Variants in ARX observed in about 807,000 individuals in gnomAD.
The protein encoded by ARX is aristaless related homeobox, also known as homeobox protein ARX.
Under a neutral mutation model 23.1 loss-of-function variants are expected in ARX, and 1 was observed. The ratio of observed to expected loss-of-function variants is 0.04; its 90% confidence interval spans 0.02 to 0.21. The LOEUF is 0.21. Among genes scored for constraint, ARX ranks in the 10% least tolerant of loss-of-function variants. The pLI, the probability that ARX is intolerant of heterozygous loss-of-function variation, is 1.00. For synonymous variants in ARX, 301 were observed against 270.1 expected (o/e 1.11, Z -1.12); for missense variants, 380 against 527.5 (o/e 0.72, Z 2.74).
chrX:25,011,294 A>G (rs911270513), intron 2 of ARX, among the ~76,000 whole-genome samples: 3 of 110,900 alleles, frequency 2.7e-5, no homozygotes, highest in Admixed American at 9.5e-5. Flanking sequence ...AGTGGGCATC[A>G]GCAAATCTAA....
intron 4 of ARX, among the ~76,000 whole-genome samples, chrX:25,005,446 G>T (rs962473904): frequency 1.8e-5 from 2 of 112,472 alleles, no homozygotes; most frequent in African/African-American, 6.4e-5. Flanking sequence ...GACTTTCTGC[G>T]CCCTGAAGAA....
At position 25,004,889 on chromosome X, in the gene ARX, G is replaced by T; in HGVS notation, c.1470C>A (p.Pro490=). ...AFGRLFSTMA[P]LTSASTAAAL... ...CGGCCGCGGTCGACGCGCTGGTCAGGGGGGCCATTGTGGAAAAGAGCCTGC... is the reference window on the plus strand; with the variant it reads ...CGGCCGCGGTCGACGCGCTGGTCAGTGGGGCCATTGTGGAAAAGAGCCTGC... The change falls in exon 5 of 5, where the codon CCC becomes CCA. Residue 490 remains proline, a synonymous_variant. Coordinates refer to ENST00000379044, the MANE Select transcript of ARX (RefSeq NM_139058.3). 8.8e-7 allele frequency: 1 copy of T among 1,140,495 alleles called. No homozygotes were observed. Among genetic ancestry groups the T allele is most frequent in the East Asian group, 3.2e-5 (1 of 31,469 alleles). The allele number at this position is 1,140,495 out of a possible 1,213,427, so 94.0% of individuals were successfully genotyped here. A position where few individuals can be genotyped will look rare whatever the true frequency, so the allele number is the denominator to read the frequency against.
At position 25,013,233 on chromosome X, in the gene ARX, G is replaced by T; in HGVS notation, c.762C>A (p.Asp254Glu). 8.6e-7 allele frequency: 1 copy of T among 1,159,490 alleles called. No individual in the cohort carries two copies. The highest frequency in any genetic ancestry group is 1.1e-6 in the Non-Finnish European group (1 of 870,284). ...LEDDEEELLE[D>E]DARALLKEPR... ...GCTCCTTGAGCAGCGCGCGGGCGTC[G>T]TCCTCCAGCAGCTCCTCCTCGTCGT... The change falls in exon 2 of 5, where the codon GAC becomes GAA. Residue 254 changes from aspartate to glutamate, a missense_variant. Coordinates refer to ENST00000379044, the MANE Select transcript of ARX (RefSeq NM_139058.3).
chrX:25,012,873 C>A, intron 2 of ARX, 49 bp downstream of exon 2: 1 of 1,181,168 alleles, frequency 8.5e-7, no homozygotes, highest in Non-Finnish European at 1.1e-6. Context: ...CTCCCTGGGG[C>A]CCGCGTGCGC....
In ARX at chrX:25,007,368, C is replaced by T; in HGVS notation, c.1191G>A (p.Gly397=). 1 of 1,152,384 alleles carries T rather than the reference C, an allele frequency of 8.7e-7. No homozygotes were observed. 95.0% of individuals were successfully genotyped at this position (1,152,384 alleles called of 1,213,427 possible). Residue 397 remains glycine, a synonymous_variant, in exon 4 of 5, where the codon GGG becomes GGA. Transcript: ENST00000379044. ...CGGAGAGCGGCCCCGGGAAGGGCAG[C>T]CCAGGGGGGTGGGTCTGCGCGCCTG... The part of the protein sequence containing the change: ...EKAGAQTHPP[G]LPFPGPLSAT...
chrX:25,012,078 G>A (rs1476076289), intron 2 of ARX, among the ~76,000 whole-genome samples: 1 of 112,692 alleles, frequency 8.9e-6, no homozygotes, highest in Non-Finnish European at 1.9e-5. Flanking sequence ...ACAAGTGGGA[G>A]GTGGAGCGTG....
chrX:25,013,407 C>T lies in ARX; in HGVS notation c.588G>A (p.Gly196=). ...GGCGCTCCTCCGGGTGCGTGACGCC[C>T]CCCGGGCCGCCCAGCTCGTCCAGCG... ...PPALDELGGP[G]GVTHPEERLG... The change falls in exon 2 of 5, where the codon GGG becomes GGA. Residue 196 remains glycine, a synonymous_variant. Coordinates refer to ENST00000379044, the MANE Select transcript of ARX (RefSeq NM_139058.3). 1.0e-6 allele frequency: 1 copy of T among 1,002,624 alleles called. No homozygotes were observed. The highest frequency in any genetic ancestry group is 1.3e-6 in the Non-Finnish European group (1 of 799,252). The allele number at this position is 1,002,624 out of a possible 1,213,427, so 82.6% of individuals were successfully genotyped here.
Position 25,013,456 on chromosome X carries a change from G to T in ARX, c.539C>A (p.Ala180Glu). 1.1e-6 allele frequency: 1 copy of T among 928,578 alleles called. No individual in the cohort carries two copies. The highest frequency in any genetic ancestry group is 1.3e-6 in the Non-Finnish European group (1 of 749,155). 76.5% of individuals were successfully genotyped at this position (928,578 alleles called of 1,213,427 possible). ...CGCGGGCGGCGGCGGCACGAAGGGC[G>T]CCCCGTTCTCGCGGTACGACTTGCT... is the stretch of plus-strand genomic sequence containing the variant. The part of the protein sequence containing the change: ...SRSKSYRENG[A>E]PFVPPPPALD... Residue 180 changes from alanine (A) to glutamate (E), a missense_variant, in exon 2 of 5, where the codon GCG (alanine) becomes GAG (glutamate). Transcript: ENST00000379044.
At chrX:25,007,558 C>T in intron 3 of ARX, 119 bp from the exon 4 acceptor site, 3 of 897,139 alleles carry the variant, frequency 3.3e-6, no homozygotes, top group Non-Finnish European at 4.4e-6. Flanking sequence ...GCGGCCCGCG[C>T]CCACCTGCCC....
intron 4 of ARX, among the ~76,000 whole-genome samples, chrX:25,005,174 G>A (rs1435151137): frequency 8.9e-6 from 1 of 112,615 alleles, no homozygotes; most frequent in Admixed American, 9.2e-5. Flanking sequence ...GGGTCCACAG[G>A]CCGGCGTGGA....
At chrX:25,011,991 C>G (rs2147322913) in intron 2 of ARX, among the ~76,000 whole-genome samples, 1 of 112,499 alleles carries the variant, frequency 8.9e-6, no homozygotes, top group African/African-American at 3.2e-5. Flanking sequence ...GGATCCCTAC[C>G]CGGGCCGGCG....
chrX:25,007,568 C>G (rs2048684144), intron 3 of ARX, 129 bp from the exon 4 acceptor site: 2 of 857,497 alleles, frequency 2.3e-6, no homozygotes, highest in Admixed American at 8.2e-5. Context: ...CCCACCTGCC[C>G]CTCTTTGGCC....
Position 25,007,238 on chromosome X carries a change from A to AGGC in ARX, c.1318_1320dup (p.Ala440dup), listed in dbSNP as rs398124508. 4.9e-4 allele frequency: 556 copies of AGGC among 1,126,838 alleles called. No homozygotes were observed. The highest frequency in any genetic ancestry group is 7.6e-4 in the Middle Eastern group (3 of 3,930). 92.9% of individuals were successfully genotyped at this position (1,126,838 alleles called of 1,213,427 possible). A position where few individuals can be genotyped will look rare whatever the true frequency, so the allele number is the denominator to read the frequency against. On this transcript the variant is annotated inframe_insertion, in exon 4 of 5. Coordinates refer to ENST00000379044, the MANE Select transcript of ARX (RefSeq NM_139058.3). Reference sequence around the variant, plus strand: ...CCCGGAGGCGGAGGTAGGCTCGGGAAGGCGGCGGCGGCGGCGGCGGCAGCG... The same window carrying AGGC: ...CCCGGAGGCGGAGGTAGGCTCGGGAAGGCGGCGGCGGCGGCGGCGGCGGCAGCG...
intron 4 of ARX, 117 bp from the exon 5 acceptor site, chrX:25,005,027 G>A (rs970833367): frequency 7.2e-6 from 7 of 973,127 alleles, no homozygotes; most frequent in African/African-American, 6.2e-5. Context: ...CACGGGACCC[G>A]GATGGGCCGC....
chrX:25,010,275 G>A lies in ARX; in HGVS notation c.1104C>T (p.Thr368=), dbSNP rs771822246. The A allele has an allele frequency of 8.3e-6, 10 of 1,198,151 alleles. No individual in the cohort carries two copies. Among genetic ancestry groups the A allele is most frequent in the Middle Eastern group, 2.3e-4 (1 of 4,334 alleles). ...REELAMRLDL[T]EARVQVWFQN... ...TGCAGCTCACCTGGACTCGGGCCTC[G>A]GTCAAGTCCAGCCTCATGGCCAGTT... The change falls in exon 3 of 5, where the codon ACC becomes ACT. Residue 368 remains threonine (T), a synonymous_variant. Transcript: ENST00000379044.
chrX:25,010,179 C>A, intron 3 of ARX, 81 bp downstream of exon 3: 1 of 904,840 alleles, frequency 1.1e-6, no homozygotes, highest in Admixed American at 2.4e-5. Context: ...CCCCCGCACC[C>A]CCCCGCCACC....
chrX:25,005,574 T>A (rs1391985838), intron 4 of ARX, among the ~76,000 whole-genome samples: 1 of 112,383 alleles, frequency 8.9e-6, no homozygotes, highest in Non-Finnish European at 1.9e-5. Context: ...GGCGACCGCC[T>A]GTTGATTTCG....
Position 25,004,598 on chromosome X carries a change from T to C in ARX, c.*72A>G. On this transcript the variant is annotated 3_prime_UTR_variant, in exon 5 of 5. Transcript: ENST00000379044. ...GGAGTGTGCTGGTCCTCTGTTTCCA[T>C]TTGGTCTTGAGTGGTGCTGAGTGAG... is the stretch of plus-strand genomic sequence containing the variant. 8.7e-7 allele frequency: 1 copy of C among 1,150,312 alleles called. No individual in the cohort carries two copies. Among genetic ancestry groups the C allele is most frequent in the Non-Finnish European group, 1.2e-6 (1 of 864,629 alleles). The allele number at this position is 1,150,312 out of a possible 1,213,427, so 94.8% of individuals were successfully genotyped here.
chrX:25,008,859 T>C (rs1031279759), intron 3 of ARX, among the ~76,000 whole-genome samples: 4 of 112,045 alleles, frequency 3.6e-5, no homozygotes, highest in Non-Finnish European at 7.5e-5. Context: ...TCCAAATCGG[T>C]CAATTACTTC....
Sources: gnomAD v4.1 joint callset for allele counts (sites outside exome capture counted in the v4.1 genomes callset) on GRCh38, gnomAD v4.1.1 for gene constraint, MANE v1.5 for transcripts, NCBI Gene and HGNC (gene_info 2026-07-23, HGNC 2026-07-21) for gene names.